Variants in LHFPL3 observed in about 807,000 individuals in gnomAD.
LHFPL3 encodes LHFPL tetraspan subfamily member 3, also known as LHFPL tetraspan subfamily member 3 protein.
A neutral mutation model predicts 19.3 loss-of-function variants in LHFPL3; 5 were observed. The observed-to-expected ratio is 0.26, with a 90% CI of 0.14 to 0.54. The LOEUF (loss-of-function observed/expected upper bound fraction) is 0.54. LHFPL3 is among the 20% of genes least tolerant of loss of function. The pLI is 0.94. For synonymous variants in LHFPL3, 133 were observed against 126.2 expected, an observed-to-expected ratio of 1.05 and a Z score of -0.36; for missense variants, 249 against 307.4, an observed-to-expected ratio of 0.81 and a Z score of 1.42.
At chr7:104,862,172 C>T (rs1791629726) in intron 2 of LHFPL3, among the ~76,000 whole-genome samples, 1 of 152,118 alleles carries the variant, frequency 6.6e-6, no homozygotes, top group Non-Finnish European at 1.5e-5. Flanking sequence ...GTTTAAGCCT[C>T]AAATACAACT....
At chr7:104,718,099 C>T (rs1793424394) in intron 1 of LHFPL3, among the ~76,000 whole-genome samples, 3 of 152,086 alleles carry the variant, frequency 2.0e-5, no homozygotes, top group African/African-American at 7.2e-5. Context: ...AATAGTTAAA[C>T]TCATAGAATC....
intron 1 of LHFPL3, among the ~76,000 whole-genome samples, chr7:104,483,923 A>AGCCAACAT (rs1793187528): frequency 6.6e-6 from 1 of 152,194 alleles, no homozygotes; most frequent in South Asian, 2.1e-4. Context: ...CCACATGTCC[A>AGCCAACAT]GCCAACATGT....
intron 1 of LHFPL3, among the ~76,000 whole-genome samples, chr7:104,727,364 G>C (rs1793611100): frequency 6.6e-6 from 1 of 152,118 alleles, no homozygotes; most frequent in Non-Finnish European, 1.5e-5. Context: ...TTTTGCTGCA[G>C]TTGTTTTTGA....
chr7:104,427,056 G>A (rs964809049), intron 1 of LHFPL3, among the ~76,000 whole-genome samples: 7 of 152,138 alleles, frequency 4.6e-5, no homozygotes, highest in Admixed American at 3.3e-4. Flanking sequence ...TAGGTACTGC[G>A]CTAAGTTCTA....
At chr7:104,510,716 C>T (rs1002472486) in intron 1 of LHFPL3, among the ~76,000 whole-genome samples, 1 of 152,096 alleles carries the variant, frequency 6.6e-6, no homozygotes, top group African/African-American at 2.4e-5. Context: ...AACTCTTGCT[C>T]TGTGAAAGAC....
At chr7:104,431,099 T>C (rs957882918) in intron 1 of LHFPL3, among the ~76,000 whole-genome samples, 4 of 152,196 alleles carry the variant, frequency 2.6e-5, no homozygotes, top group African/African-American at 4.8e-5. Flanking sequence ...CACCTACTTA[T>C]TGTTTTTTCT....
intron 1 of LHFPL3, among the ~76,000 whole-genome samples, chr7:104,723,617 G>C (rs1263775736): frequency 6.8e-6 from 1 of 146,968 alleles, no homozygotes; most frequent in Admixed American, 7.1e-5. Context: ...AGCTACTTAA[G>C]AGGCTGAGAC....
At chr7:104,489,105 C>T (rs572581471) in intron 1 of LHFPL3, among the ~76,000 whole-genome samples, 1 of 28,588 alleles carries the variant, frequency 3.5e-5, no homozygotes, top group Admixed American at 3.5e-4. Context: ...TTTTTTGAGA[C>T]GGAGTCTCGC....
At chr7:104,561,818 T>C (rs1584402954) in intron 1 of LHFPL3, among the ~76,000 whole-genome samples, 1 of 152,244 alleles carries the variant, frequency 6.6e-6, no homozygotes, top group Admixed American at 6.5e-5. Context: ...CATTGGCTGG[T>C]ACTGGTTGTT....
At chr7:104,621,384 T>G (rs2115803503) in intron 1 of LHFPL3, among the ~76,000 whole-genome samples, 1 of 152,334 alleles carries the variant, frequency 6.6e-6, no homozygotes, top group Non-Finnish European at 1.5e-5. Flanking sequence ...AAAAGCACAA[T>G]GCTAATATAT....
intron 1 of LHFPL3, among the ~76,000 whole-genome samples, chr7:104,643,703 T>TC (rs1422440075): frequency 6.6e-6 from 1 of 152,286 alleles, no homozygotes; most frequent in East Asian, 1.9e-4. Context: ...TTTTAAAAGC[T>TC]CCCCAGATGA....
Position 104,862,469 on chromosome 7 carries a change from C to G in LHFPL3, c.683-43718C>G, listed in dbSNP as rs74730939. Among the ~76,000 whole-genome samples, 764 of 152,290 alleles carry G rather than the reference C, an allele frequency of 5.0e-3. 1 individual carries two copies. Among genetic ancestry groups the G allele is most frequent in the African/African-American group, 0.018 (730 of 41,548 alleles). ...ATTTTTCAGATATGAAAATGAGGTTCTGAGATGATAAGTGCTAGCCCAGGG... is the reference window on the plus strand; with the variant it reads ...ATTTTTCAGATATGAAAATGAGGTTGTGAGATGATAAGTGCTAGCCCAGGG... On this transcript the variant is annotated intron_variant, in intron 2 of 2. Transcript: ENST00000424859.
intron 2 of LHFPL3, among the ~76,000 whole-genome samples, chr7:104,773,939 G>A (rs1794601747): frequency 6.6e-6 from 1 of 152,198 alleles, no homozygotes; most frequent in Admixed American, 6.5e-5. Context: ...AAGCCACCCG[G>A]GTTGTGGTAC....
Position 104,850,812 on chromosome 7 carries a change from CCACTGCTCCAAA to C in LHFPL3, c.683-55369_683-55358del, listed in dbSNP as rs1364538152. Among the ~76,000 whole-genome samples, 4 of 151,272 alleles carry C rather than the reference CCACTGCTCCAAA, an allele frequency of 2.6e-5. No homozygotes were observed. In the Admixed American group the frequency reaches 2.6e-4, roughly 10 times the overall value. ...CCCCACCCCCGCCAAGGTTTGAGAGCCACTGCTCCAAACACTGATTCTCAAATGACTATAGAT... is the reference window on the plus strand; with the variant it reads ...CCCCACCCCCGCCAAGGTTTGAGAGCCACTGATTCTCAAATGACTATAGAT... On this transcript the variant is annotated intron_variant, in intron 2 of 2. Transcript: ENST00000424859.
chr7:104,817,164 C>A (rs566355796), intron 2 of LHFPL3, among the ~76,000 whole-genome samples: 1 of 152,192 alleles, frequency 6.6e-6, no homozygotes, highest in Non-Finnish European at 1.5e-5. Flanking sequence ...CTTTGCTCAG[C>A]GCGGGCTACG....
chr7:104,396,846 T>G (rs1474495809), intron 1 of LHFPL3, among the ~76,000 whole-genome samples: 1 of 152,072 alleles, frequency 6.6e-6, no homozygotes, highest in East Asian at 1.9e-4. Context: ...GGCCTGCGTC[T>G]GTGGTCCTAG....
chr7:104,480,597 C>G (rs1793115691), intron 1 of LHFPL3, among the ~76,000 whole-genome samples: 1 of 152,160 alleles, frequency 6.6e-6, no homozygotes, highest in South Asian at 2.1e-4. Context: ...AGGGTTGCCT[C>G]TTTGTACAGC....
chr7:104,706,501 G>C (rs117272866), intron 1 of LHFPL3, among the ~76,000 whole-genome samples: 1,851 of 152,296 alleles, frequency 0.012, 12 homozygotes, highest in Non-Finnish European at 0.02. Flanking sequence ...ATGCAAGACA[G>C]TTGTCATCCA....
intron 1 of LHFPL3, among the ~76,000 whole-genome samples, chr7:104,618,518 T>C (rs1024991210): frequency 1.3e-5 from 2 of 152,350 alleles, no homozygotes; most frequent in Admixed American, 6.5e-5. Context: ...CTTTGCTGCC[T>C]CTAATTGCCT....
Sources: gnomAD v4.1 joint callset for allele counts (sites outside exome capture counted in the v4.1 genomes callset) on GRCh38, gnomAD v4.1.1 for gene constraint, MANE v1.5 for transcripts, NCBI Gene and HGNC (gene_info 2026-07-23, HGNC 2026-07-21) for gene names.